Variants in ARHGAP25 observed in about 807,000 individuals in gnomAD.
ARHGAP25 encodes the protein Rho GTPase activating protein 25, also known as rho GTPase-activating protein 25.
ARHGAP25 carries 34 observed loss-of-function variants against 71.0 expected under a neutral mutation model. The observed-to-expected ratio is 0.48, with a 90% CI of 0.36 to 0.64. The LOEUF (loss-of-function observed/expected upper bound fraction) is 0.64, where lower values mean the gene tolerates loss of function less well. ARHGAP25 is among the 30% of genes least tolerant of loss of function. ARHGAP25 has a pLI of 0.00. For synonymous variants in ARHGAP25, 282 were observed against 296.5 expected (o/e 0.95, Z 0.50); for missense variants, 706 against 805.1 (o/e 0.88, Z 1.49).
At chr2:68,711,978 T>G (rs1269908912) in intron 2 of ARHGAP25, among the ~76,000 whole-genome samples, 4 of 152,208 alleles carry the variant, frequency 2.6e-5, no homozygotes, top group Non-Finnish European at 5.9e-5. Context: ...TAAACATACA[T>G]TAGCATGTGT....
At chr2:68,811,869 A>G (rs371908342) in intron 5 of ARHGAP25, among the ~76,000 whole-genome samples, 5 of 152,308 alleles carry the variant, frequency 3.3e-5, no homozygotes, top group African/African-American at 1.2e-4. Flanking sequence ...ACTGAAATCA[A>G]GGAGATTCCA....
chr2:68,778,333 A>G (rs1416150774), intron 2 of ARHGAP25, among the ~76,000 whole-genome samples: 1 of 152,176 alleles, frequency 6.6e-6, no homozygotes, highest in Non-Finnish European at 1.5e-5. Flanking sequence ...ACAACAGAAG[A>G]TGATGTATAT....
chr2:68,744,808 AT>A (rs1209687731), intron 1 of ARHGAP25, among the ~76,000 whole-genome samples: 1 of 152,148 alleles, frequency 6.6e-6, no homozygotes, highest in Non-Finnish European at 1.5e-5. Flanking sequence ...AATGTGGTCT[AT>A]TTTCATTATT....
At chr2:68,769,368 A>G (rs889452546) in intron 1 of ARHGAP25, among the ~76,000 whole-genome samples, 1 of 152,136 alleles carries the variant, frequency 6.6e-6, no homozygotes, top group African/African-American at 2.4e-5. Context: ...ACTAATCCCT[A>G]TGGATTTATC....
chr2:68,720,315 T>C (rs1363561508), intron 2 of ARHGAP25, among the ~76,000 whole-genome samples: 1 of 43,136 alleles, frequency 2.3e-5, no homozygotes, highest in African/African-American at 9.3e-5. Flanking sequence ...AACATTTCAG[T>C]CAAAAAAAAA....
intron 2 of ARHGAP25, among the ~76,000 whole-genome samples, chr2:68,781,670 A>G (rs1161164577): frequency 6.6e-6 from 1 of 152,216 alleles, no homozygotes; most frequent in Non-Finnish European, 1.5e-5. Context: ...GGTAGATTAT[A>G]GAAGCTTTCT....
intron 1 of ARHGAP25, among the ~76,000 whole-genome samples, chr2:68,752,727 A>G (rs1023590780): frequency 2.0e-5 from 2 of 99,310 alleles, no homozygotes; most frequent in African/African-American, 4.2e-5. Context: ...TCTGTTGAGA[A>G]CTCAAAACCT....
chr2:68,802,049 A>T (rs146296823), intron 4 of ARHGAP25, among the ~76,000 whole-genome samples: 123 of 152,334 alleles, frequency 8.1e-4, no homozygotes, highest in Non-Finnish European at 1.3e-3. Context: ...GAGTTGCAAA[A>T]GAAACCATTA....
intron 1 of ARHGAP25, among the ~76,000 whole-genome samples, chr2:68,770,425 C>G (rs1427698708): frequency 1.3e-5 from 2 of 152,332 alleles, no homozygotes; most frequent in East Asian, 3.9e-4. Flanking sequence ...AAGAACTATT[C>G]ACACCTCACC....
upstream of ARHGAP25, among the ~76,000 whole-genome samples, chr2:68,734,363 C>T (rs1359290899): frequency 1.3e-5 from 2 of 152,164 alleles, no homozygotes; most frequent in Admixed American, 6.5e-5. Context: ...GTGAGTGGGT[C>T]GACCTAGCTT....
intron 2 of ARHGAP25, among the ~76,000 whole-genome samples, chr2:68,727,401 A>G (rs1449772111): frequency 6.6e-6 from 1 of 152,214 alleles, no homozygotes; most frequent in Non-Finnish European, 1.5e-5. Context: ...GTGTGACCAC[A>G]ATAGCACCTG....
intron 2 of ARHGAP25, among the ~76,000 whole-genome samples, chr2:68,725,968 C>T (rs576826644): frequency 3.2e-4 from 49 of 152,288 alleles, no homozygotes; most frequent in Admixed American, 2.8e-3. Context: ...ATGTCACCTT[C>T]GCTGTCCAAC....
intron 2 of ARHGAP25, among the ~76,000 whole-genome samples, chr2:68,780,375 G>C (rs1389710624): frequency 1.3e-5 from 2 of 152,142 alleles, no homozygotes; most frequent in African/African-American, 4.8e-5. Context: ...GCTCCATCCT[G>C]CCTAAAAGCA....
chr2:68,804,360 C>G (rs1193033504), intron 4 of ARHGAP25, among the ~76,000 whole-genome samples: 1 of 152,310 alleles, frequency 6.6e-6, no homozygotes, highest in Non-Finnish European at 1.5e-5. Flanking sequence ...ATCTGCCTCT[C>G]TCATTGAAGG....
At position 68,787,678 on chromosome 2, in the gene ARHGAP25, T is replaced by A. The variant is rs538398470; in HGVS notation, c.350-162T>A. Among the ~76,000 whole-genome samples, 230 of 152,376 alleles carry A rather than the reference T, an allele frequency of 1.5e-3. 1 individual carries two copies. The highest frequency in any genetic ancestry group is 5.2e-3 in the African/African-American group (216 of 41,588). On this transcript the variant is annotated intron_variant, in intron 3 of 10. Coordinates refer to ENST00000409202, the MANE Select transcript of ARHGAP25 (RefSeq NM_001007231.3). Reference sequence around the variant, plus strand: ...TAGAGCTTCAGTAAGAGTGCCCGGATATCCAGTTCCACTGAGGATAATTCG... The same window carrying A: ...TAGAGCTTCAGTAAGAGTGCCCGGAAATCCAGTTCCACTGAGGATAATTCG...
At chr2:68,810,108 A>C (rs1680669354) in intron 5 of ARHGAP25, among the ~76,000 whole-genome samples, 1 of 146,554 alleles carries the variant, frequency 6.8e-6, no homozygotes, top group African/African-American at 2.5e-5. Flanking sequence ...CTGGCTCCTG[A>C]CTTACTCTTA....
intron 2 of ARHGAP25, 22 bp downstream of exon 2, chr2:68,775,442 C>A: frequency 2.5e-6 from 4 of 1,614,036 alleles, no homozygotes; most frequent in Non-Finnish European, 3.4e-6. Context: ...GCTGTTTGTC[C>A]CGTTCATAAG....
At chr2:68,755,406 T>C (rs749274701) in intron 1 of ARHGAP25, among the ~76,000 whole-genome samples, 1 of 152,216 alleles carries the variant, frequency 6.6e-6, no homozygotes, top group Non-Finnish European at 1.5e-5. Flanking sequence ...GCTATTTTTA[T>C]GGCAGAACAC....
At chr2:68,770,674 C>T (rs1410815753) in intron 1 of ARHGAP25, among the ~76,000 whole-genome samples, 1 of 152,196 alleles carries the variant, frequency 6.6e-6, no homozygotes, top group Non-Finnish European at 1.5e-5. Context: ...TCTCTTCTTT[C>T]CTTTCCAGTA....
Sources: allele counts gnomAD v4.1 joint callset (sites outside exome capture counted in the v4.1 genomes callset), GRCh38; gene constraint gnomAD v4.1.1; transcripts MANE v1.5; gene names NCBI Gene and HGNC (gene_info 2026-07-23, HGNC 2026-07-21).